The following ELOVL6 variants were observed in gnomAD, a reference collection of about 807,000 sequenced individuals.
The protein encoded by ELOVL6 is very long chain fatty acid elongase 6.
In ELOVL6, 8 loss-of-function variants were observed where a neutral mutation model predicts 31.7. That is an observed-to-expected ratio of 0.25 (90% CI 0.15 to 0.45). The LOEUF is 0.45. ELOVL6 is among the 20% of genes least tolerant of loss of function. The pLI is 1.00. For synonymous variants in ELOVL6, 101 were observed against 117.7 expected (o/e 0.86, Z 0.92); for missense variants, 126 against 326.4 (o/e 0.39, Z 4.73).
At chr4:110,197,672 G>A (rs1246347169) in intron 1 of ELOVL6, among the ~76,000 whole-genome samples, 1 of 152,104 alleles carries the variant, frequency 6.6e-6, no homozygotes, top group Non-Finnish European at 1.5e-5. Context: ...GTACTAAAAA[G>A]GGGGCATCCG....
intron 1 of ELOVL6, among the ~76,000 whole-genome samples, chr4:110,181,220 G>C (rs1759262212): frequency 6.6e-6 from 1 of 152,126 alleles, no homozygotes; most frequent in Non-Finnish European, 1.5e-5. Flanking sequence ...GCTGAGGCGG[G>C]TGGATTGCTC....
rs886577040 is a variant in ELOVL6, at chr4:110,045,916, T to C, written c.*5422A>G. The C allele has an allele frequency of 6.6e-6, 1 of 152,192 alleles. No individual in the cohort carries two copies. Among genetic ancestry groups the C allele is most frequent in the African/African-American group, 2.4e-5 (1 of 41,452 alleles). 9.4% of individuals were successfully genotyped at this position (152,192 alleles called of 1,614,324 possible). ...CACCAGGAAAAAATATTTTTTTTAATGTCGTGAAATAAGCACTTGAAAATA... is the reference window on the plus strand; with the variant it reads ...CACCAGGAAAAAATATTTTTTTTAACGTCGTGAAATAAGCACTTGAAAATA... On this transcript the variant is annotated 3_prime_UTR_variant, in exon 4 of 4. Coordinates refer to ENST00000302274, the MANE Select transcript of ELOVL6 (RefSeq NM_024090.3).
intron 1 of ELOVL6, among the ~76,000 whole-genome samples, chr4:110,187,449 A>C (rs538005152): frequency 7.6e-4 from 116 of 151,848 alleles, no homozygotes; most frequent in African/African-American, 2.6e-3. Context: ...CAAAATGAAA[A>C]AAAAAAAAAA....
chr4:110,100,486 G>GT (rs1314893822), intron 2 of ELOVL6, among the ~76,000 whole-genome samples: 1 of 149,946 alleles, frequency 6.7e-6, no homozygotes, highest in Non-Finnish European at 1.5e-5. Context: ...GGTTTCTTTT[G>GT]TTTGTTTTTT....
intron 2 of ELOVL6, among the ~76,000 whole-genome samples, chr4:110,078,482 C>T (rs927655453): frequency 6.6e-6 from 1 of 152,110 alleles, no homozygotes; most frequent in South Asian, 2.1e-4. Context: ...TCATATCCAG[C>T]CAAACTAAGC....
chr4:110,056,742 A>G (rs1477625451), intron 3 of ELOVL6, among the ~76,000 whole-genome samples: 3 of 152,192 alleles, frequency 2.0e-5, no homozygotes, highest in African/African-American at 7.2e-5. Flanking sequence ...GTGATGAATG[A>G]GCCCTTTCCA....
intron 1 of ELOVL6, among the ~76,000 whole-genome samples, chr4:110,143,907 T>C (rs1758034157): frequency 6.6e-6 from 1 of 151,402 alleles, no homozygotes; most frequent in Non-Finnish European, 1.5e-5. Flanking sequence ...AATACAAAAT[T>C]AGCCAGGCAT....
At position 110,050,297 on chromosome 4, in the gene ELOVL6, T is replaced by A. The variant is rs914973837; in HGVS notation, c.*1041A>T. ...GGGGTTTCATTTGGAAAGTTATGAG[T>A]GTGTGTGAAGTCAAACAGGGAGGGG... On this transcript the variant is annotated 3_prime_UTR_variant, in exon 4 of 4. Transcript: ENST00000302274. The A allele has an allele frequency of 1.1e-4, 17 of 152,410 alleles. No individual in the cohort carries two copies. Among genetic ancestry groups the A allele is most frequent in the Non-Finnish European group, 1.6e-4 (11 of 68,016 alleles). The allele number at this position is 152,410 out of a possible 1,614,324, so 9.4% of individuals were successfully genotyped here.
In ELOVL6 at chr4:110,155,520, G is replaced by A. The variant is rs941145198; in HGVS notation, c.89+42727C>T. Among the ~76,000 whole-genome samples the A allele has an allele frequency of 2.0e-5, 3 of 152,068 alleles. No homozygotes were observed. The South Asian group carries it at 6.2e-4, about 32-fold the overall frequency. ...TTACAAAATCAAAGTTTAACAATTT[G>A]TATCACAAATATCAGAATTTATCTA... On this transcript the variant is annotated intron_variant, in intron 1 of 3. Transcript: ENST00000302274.
chr4:110,196,902 G>C (rs979831743), intron 1 of ELOVL6, among the ~76,000 whole-genome samples: 2 of 152,276 alleles, frequency 1.3e-5, no homozygotes, highest in East Asian at 1.9e-4. Flanking sequence ...AGAAGGAAGC[G>C]GCGGCCGGGC....
At chr4:110,140,685 G>A (rs1243985220) in intron 1 of ELOVL6, among the ~76,000 whole-genome samples, 1 of 151,784 alleles carries the variant, frequency 6.6e-6, no homozygotes, top group Non-Finnish European at 1.5e-5. Flanking sequence ...AAGTCTAAAT[G>A]ATATTAAGCT....
intron 1 of ELOVL6, among the ~76,000 whole-genome samples, chr4:110,153,018 T>C (rs1035121334): frequency 1.3e-5 from 2 of 152,200 alleles, no homozygotes; most frequent in African/African-American, 4.8e-5. Context: ...GACACAGTAG[T>C]TGACGAACCA....
At chr4:110,060,702 A>G (rs1755112728) in intron 2 of ELOVL6, among the ~76,000 whole-genome samples, 2 of 152,172 alleles carry the variant, frequency 1.3e-5, no homozygotes, top group South Asian at 4.1e-4. Context: ...TGTGTGAACC[A>G]TGCCCGGGAC....
intron 1 of ELOVL6, among the ~76,000 whole-genome samples, chr4:110,121,006 G>T (rs1161577299): frequency 2.0e-5 from 3 of 151,950 alleles, no homozygotes. Flanking sequence ...TCGCCACGTT[G>T]GCCAGGCTGG....
chr4:110,158,661 T>A (rs867109957), intron 1 of ELOVL6, among the ~76,000 whole-genome samples: 4,547 of 82,794 alleles, frequency 0.055, 94 homozygotes, highest in East Asian at 0.17. Context: ...ATATATATTT[T>A]TTTTTTTTTT....
At chr4:110,088,472 G>A (rs952917377) in intron 2 of ELOVL6, among the ~76,000 whole-genome samples, 1 of 152,130 alleles carries the variant, frequency 6.6e-6, no homozygotes, top group African/African-American at 2.4e-5. Flanking sequence ...CACTGTGGCC[G>A]TAAGTCTTGC....
At chr4:110,146,002 CT>C (rs1383726409) in intron 1 of ELOVL6, among the ~76,000 whole-genome samples, 6 of 152,096 alleles carry the variant, frequency 3.9e-5, no homozygotes, top group Non-Finnish European at 4.4e-5. Context: ...AAAAACTATT[CT>C]AAAGTTCATA....
intron 1 of ELOVL6, among the ~76,000 whole-genome samples, chr4:110,106,132 G>A (rs1173508201): frequency 6.6e-6 from 1 of 152,142 alleles, no homozygotes. Context: ...AGAGGTGGGT[G>A]GATCACTTTA....
At chr4:110,086,871 A>C (rs1230209282) in intron 2 of ELOVL6, among the ~76,000 whole-genome samples, 1 of 152,180 alleles carries the variant, frequency 6.6e-6, no homozygotes, top group Non-Finnish European at 1.5e-5. Context: ...CTGATCCGGA[A>C]TTAGGAAAGT....
Sources: gnomAD v4.1 joint callset for allele counts (sites outside exome capture counted in the v4.1 genomes callset) on GRCh38, gnomAD v4.1.1 for gene constraint, MANE v1.5 for transcripts, NCBI Gene and HGNC (gene_info 2026-07-23, HGNC 2026-07-21) for gene names.